FRMD4A: variants seen among roughly 807,000 people sequenced by gnomAD.
FRMD4A encodes FERM domain-containing protein 4A.
FRMD4A carries 29 observed loss-of-function variants against 129.1 expected under a neutral mutation model. The ratio of observed to expected loss-of-function variants is 0.22; its 90% confidence interval spans 0.17 to 0.31. The LOEUF (loss-of-function observed/expected upper bound fraction) is 0.31, where lower values mean the gene tolerates loss of function less well. Ranked by LOEUF, FRMD4A falls within the 10% of genes least tolerant of loss-of-function variation. The pLI, the probability that FRMD4A is intolerant of heterozygous loss-of-function variation, is 1.00. For synonymous variants in FRMD4A, 634 were observed against 571.6 expected (o/e 1.11, Z -1.56); for missense variants, 1,272 against 1,375.8 (o/e 0.92, Z 1.19).
chr10:13,749,958 G>T (rs904651958), intron 8 of FRMD4A, among the ~76,000 whole-genome samples: 13 of 138,914 alleles, frequency 9.4e-5, no homozygotes, highest in African/African-American at 3.2e-4. Context: ...TATCAAGAAA[G>T]AAAAGAAAAG....
chr10:13,873,270 G>GAA (rs35088324), intron 2 of FRMD4A, among the ~76,000 whole-genome samples: 130,064 of 142,050 alleles, frequency 0.92, 60,593 homozygotes, highest in Non-Finnish European at 0.99. Context: ...AGATAAGGCT[G>GAA]AAAAAAAAAA....
intron 2 of FRMD4A, among the ~76,000 whole-genome samples, chr10:14,160,334 AT>A (rs1840819875): frequency 6.6e-6 from 1 of 152,198 alleles, no homozygotes; most frequent in Non-Finnish European, 1.5e-5. Flanking sequence ...AAATTATAAA[AT>A]TACTAGAAGA....
At chr10:14,121,807 C>T (rs1014527315) in intron 2 of FRMD4A, among the ~76,000 whole-genome samples, 2 of 152,176 alleles carry the variant, frequency 1.3e-5, no homozygotes, top group African/African-American at 4.8e-5. Flanking sequence ...GCCATTCCGG[C>T]TGGCTTTGAA....
chr10:14,058,750 T>G (rs553296485), intron 2 of FRMD4A, among the ~76,000 whole-genome samples: 2 of 152,284 alleles, frequency 1.3e-5, no homozygotes, highest in African/African-American at 4.8e-5. Flanking sequence ...GAAGACCATA[T>G]GCCACAGGGT....
chr10:13,832,968 T>C (rs2093813946), intron 3 of FRMD4A, among the ~76,000 whole-genome samples: 2 of 152,228 alleles, frequency 1.3e-5, no homozygotes, highest in African/African-American at 2.4e-5. Flanking sequence ...CACTGTGTTG[T>C]GGGGAAATGC....
chr10:13,754,808 C>G (rs1465671856), intron 8 of FRMD4A, among the ~76,000 whole-genome samples: 1 of 152,008 alleles, frequency 6.6e-6, no homozygotes, highest in African/African-American at 2.4e-5. Flanking sequence ...TTAACTATTT[C>G]AGACATAACT....
At chr10:13,726,732 A>G (rs930598533) in intron 12 of FRMD4A, among the ~76,000 whole-genome samples, 2 of 151,602 alleles carry the variant, frequency 1.3e-5, no homozygotes, top group African/African-American at 4.9e-5. Context: ...AACCTCCTCA[A>G]GGCTCCAAAG....
intron 2 of FRMD4A, among the ~76,000 whole-genome samples, chr10:14,139,560 C>T (rs547624614): frequency 2.4e-4 from 36 of 152,182 alleles, no homozygotes; most frequent in African/African-American, 8.7e-4. Flanking sequence ...GGCAATCCTC[C>T]TACTTCAGCC....
intron 2 of FRMD4A, among the ~76,000 whole-genome samples, chr10:14,235,699 G>A (rs1361821000): frequency 6.6e-6 from 1 of 152,192 alleles, no homozygotes; most frequent in Non-Finnish European, 1.5e-5. Context: ...TAAGACAGCT[G>A]CGCCGTTGCA....
chr10:13,987,660 T>C (rs1165450586), intron 2 of FRMD4A, among the ~76,000 whole-genome samples: 1 of 152,130 alleles, frequency 6.6e-6, no homozygotes, highest in East Asian at 1.9e-4. Flanking sequence ...GAGTGACTCA[T>C]CCATGGGTCA....
intron 2 of FRMD4A, among the ~76,000 whole-genome samples, chr10:14,112,924 A>T (rs528017327): frequency 1.3e-5 from 2 of 152,294 alleles, no homozygotes; most frequent in South Asian, 4.2e-4. Context: ...ACAGTGACAG[A>T]CAAAGAGGTT....
intron 2 of FRMD4A, among the ~76,000 whole-genome samples, chr10:14,039,702 T>C (rs963891536): frequency 1.3e-5 from 2 of 152,194 alleles, no homozygotes; most frequent in Non-Finnish European, 2.9e-5. Context: ...ATTTGTCTCT[T>C]ATCTACCTAT....
intron 3 of FRMD4A, among the ~76,000 whole-genome samples, chr10:13,853,651 C>T (rs535701259): frequency 6.3e-4 from 96 of 151,952 alleles, no homozygotes; most frequent in Middle Eastern, 3.4e-3. Context: ...CTCGTCAACA[C>T]GGCGCAACCC....
intron 2 of FRMD4A, among the ~76,000 whole-genome samples, chr10:14,309,988 A>G (rs1374325812): frequency 1.5e-5 from 2 of 133,332 alleles, no homozygotes; most frequent in Non-Finnish European, 3.1e-5. Context: ...CCGTTCTTCC[A>G]GCACCTGTGA....
intron 2 of FRMD4A, among the ~76,000 whole-genome samples, chr10:14,211,874 A>G (rs1016156587): frequency 5.6e-4 from 86 of 152,238 alleles, no homozygotes; most frequent in African/African-American, 1.9e-3. Flanking sequence ...GCCATGAGAG[A>G]GATTTAAGTT....
intron 2 of FRMD4A, among the ~76,000 whole-genome samples, chr10:14,053,125 C>T (rs1002313830): frequency 3.9e-5 from 6 of 152,168 alleles, no homozygotes; most frequent in Non-Finnish European, 8.8e-5. Flanking sequence ...AGGGTTTCTA[C>T]GGAGATGGTG....
intron 2 of FRMD4A, among the ~76,000 whole-genome samples, chr10:14,096,553 C>T (rs910207363): frequency 4.6e-5 from 7 of 152,208 alleles, no homozygotes; most frequent in African/African-American, 7.2e-5. Context: ...CTTAACCCAA[C>T]TCTGCAAATA....
intron 2 of FRMD4A, among the ~76,000 whole-genome samples, chr10:13,979,625 C>T (rs1035664247): frequency 1.3e-4 from 20 of 152,148 alleles, no homozygotes; most frequent in African/African-American, 4.1e-4. Context: ...ACTCTTGACT[C>T]GTTGGGGGTA....
At chr10:14,236,534 C>G (rs1404091648) in intron 2 of FRMD4A, among the ~76,000 whole-genome samples, 3 of 152,178 alleles carry the variant, frequency 2.0e-5, no homozygotes, top group African/African-American at 7.2e-5. Flanking sequence ...TGGGTCAGCT[C>G]TGCGGATCAC....
Sources: allele counts gnomAD v4.1 joint callset (sites outside exome capture counted in the v4.1 genomes callset), GRCh38; gene constraint gnomAD v4.1.1; transcripts MANE v1.5; gene names NCBI Gene and HGNC (gene_info 2026-07-23, HGNC 2026-07-21).